Variants in DCDC1 observed in about 807,000 individuals in gnomAD.
The protein encoded by DCDC1 is doublecortin domain-containing protein 1.
DCDC1 carries 200 observed loss-of-function variants against 178.3 expected under a neutral mutation model. The observed-to-expected ratio is 1.12, with a 90% CI of 1.00 to 1.26. The LOEUF is 1.26. Among genes scored for constraint, DCDC1 ranks in the 50% most tolerant of loss-of-function variants. The probability of loss-of-function intolerance (pLI) is 0.00; values close to 1 mark genes in which losing one functional copy is unlikely to be tolerated. For synonymous variants in DCDC1, 690 were observed against 604.8 expected, an observed-to-expected ratio of 1.14 and a Z score of -2.07; for missense variants, 1,983 against 1,749.2, an observed-to-expected ratio of 1.13 and a Z score of -2.38.
chr11:31,035,868 G>T (rs1953993697), intron 20 of DCDC1, among the ~76,000 whole-genome samples: 1 of 152,120 alleles, frequency 6.6e-6, no homozygotes, highest in African/African-American at 2.4e-5. Context: ...AGAAAGAGTT[G>T]TTCCTTCTCT....
At chr11:31,357,963 C>T (rs1951477716) in intron 1 of DCDC1, among the ~76,000 whole-genome samples, 2 of 152,176 alleles carry the variant, frequency 1.3e-5, no homozygotes, top group South Asian at 2.1e-4. Context: ...GAAGAACATT[C>T]CATGCTCATG....
intron 9 of DCDC1, among the ~76,000 whole-genome samples, chr11:31,177,427 AAAAAC>A (rs1968199882): frequency 6.6e-6 from 1 of 152,144 alleles, no homozygotes; most frequent in Admixed American, 6.5e-5. Context: ...AAAAGAAAAT[AAAAAC>A]AAAACAAAAC....
intron 11 of DCDC1, among the ~76,000 whole-genome samples, chr11:31,115,228 T>C (rs1959702308): frequency 6.6e-6 from 1 of 152,174 alleles, no homozygotes; most frequent in Non-Finnish European, 1.5e-5. Flanking sequence ...TGAGCCAATG[T>C]AGTTCTTTGA....
Position 30,890,681 on chromosome 11 carries a change from T to C in DCDC1, c.5082+2137A>G, listed in dbSNP as rs553717280. Among the ~76,000 whole-genome samples, 5 of 152,316 alleles carry C rather than the reference T, an allele frequency of 3.3e-5. No individual in the cohort carries two copies. In the East Asian group the frequency reaches 9.6e-4, roughly 29 times the overall value. ...AACATGCAAGAAAGAAAAATAAATG[T>C]CTCCCATAATATGGCCACCTAATAA... On this transcript the variant is annotated intron_variant, in intron 36 of 38. Coordinates refer to ENST00000684477, the MANE Select transcript of DCDC1 (RefSeq NM_001387274.1).
At chr11:30,954,946 A>T (rs548462241) in intron 20 of DCDC1, among the ~76,000 whole-genome samples, 1 of 152,336 alleles carries the variant, frequency 6.6e-6, no homozygotes, top group African/African-American at 2.4e-5. Context: ...AGCAACCCAA[A>T]TTGAAGTCTA....
At chr11:30,919,574 A>C (rs1946096926) in intron 25 of DCDC1, among the ~76,000 whole-genome samples, 1 of 152,196 alleles carries the variant, frequency 6.6e-6, no homozygotes, top group African/African-American at 2.4e-5. Flanking sequence ...GGGATGTGAA[A>C]GTTCGTGGTC....
At chr11:31,149,538 G>A (rs150046740) in intron 9 of DCDC1, among the ~76,000 whole-genome samples, 38 of 152,044 alleles carry the variant, frequency 2.5e-4, no homozygotes, top group East Asian at 7.8e-4. Context: ...TGCTCGGGTT[G>A]GCTTCCACGC....
At chr11:31,187,300 T>C (rs538314524) in intron 9 of DCDC1, among the ~76,000 whole-genome samples, 1 of 152,334 alleles carries the variant, frequency 6.6e-6, no homozygotes, top group East Asian at 1.9e-4. Flanking sequence ...GGAGATTTAA[T>C]GGAACTAACT....
intron 20 of DCDC1, among the ~76,000 whole-genome samples, chr11:31,011,964 T>C (rs1952198662): frequency 6.6e-6 from 1 of 152,106 alleles, no homozygotes. Context: ...GGTGATTGGA[T>C]TATGAGGATG....
chr11:31,096,816 A>G (rs1319581174), intron 15 of DCDC1, among the ~76,000 whole-genome samples: 1 of 152,154 alleles, frequency 6.6e-6, no homozygotes, highest in Non-Finnish European at 1.5e-5. Flanking sequence ...TTAGCTTTAG[A>G]CCAAACGAGG....
chr11:31,263,313 A>G (rs1944918197), intron 8 of DCDC1, among the ~76,000 whole-genome samples: 1 of 152,218 alleles, frequency 6.6e-6, no homozygotes, highest in African/African-American at 2.4e-5. Flanking sequence ...ATTGTTGATC[A>G]TAAAGAAAAT....
intron 1 of DCDC1, among the ~76,000 whole-genome samples, chr11:31,349,463 T>C (rs536258607): frequency 6.6e-6 from 1 of 152,196 alleles, no homozygotes; most frequent in Non-Finnish European, 1.5e-5. Flanking sequence ...GATAATATTG[T>C]TCCTCCAACT....
intron 9 of DCDC1, among the ~76,000 whole-genome samples, chr11:31,190,307 A>T (rs563375870): frequency 6.6e-6 from 1 of 152,284 alleles, no homozygotes; most frequent in African/African-American, 2.4e-5. Context: ...CAGATAAATA[A>T]TTTGTTCAAG....
At chr11:31,358,944 G>C (rs1951550073) in intron 1 of DCDC1, among the ~76,000 whole-genome samples, 1 of 152,232 alleles carries the variant, frequency 6.6e-6, no homozygotes, top group Non-Finnish European at 1.5e-5. Flanking sequence ...ACAGGTGCTA[G>C]AGAGGATGTG....
At chr11:31,033,913 G>C (rs895773051) in intron 20 of DCDC1, among the ~76,000 whole-genome samples, 2 of 152,270 alleles carry the variant, frequency 1.3e-5, no homozygotes, top group African/African-American at 4.8e-5. Flanking sequence ...GGGAGGCCAA[G>C]GCAGGCAGAT....
At chr11:31,291,786 G>T (rs1362101364) in intron 6 of DCDC1, among the ~76,000 whole-genome samples, 2 of 151,888 alleles carry the variant, frequency 1.3e-5, no homozygotes, top group East Asian at 3.9e-4. Context: ...ACTGAAAATA[G>T]CTGCATTTAT....
At chr11:30,984,680 A>C (rs996003158) in intron 20 of DCDC1, among the ~76,000 whole-genome samples, 2 of 152,218 alleles carry the variant, frequency 1.3e-5, no homozygotes, top group African/African-American at 2.4e-5. Context: ...TGACTTTAAG[A>C]AGCAGCTGTT....
intron 9 of DCDC1, among the ~76,000 whole-genome samples, chr11:31,215,718 G>A (rs991043099): frequency 5.3e-5 from 8 of 151,146 alleles, no homozygotes; most frequent in Non-Finnish European, 1.0e-4. Flanking sequence ...ATTTGAACCC[G>A]GGAGGCAGAG....
At chr11:31,034,998 C>T (rs1370736747) in intron 20 of DCDC1, among the ~76,000 whole-genome samples, 2 of 151,944 alleles carry the variant, frequency 1.3e-5, no homozygotes, top group South Asian at 2.1e-4. Flanking sequence ...GCAAAAGTGC[C>T]CAGAAAAGTT....
Sources: gnomAD v4.1 joint callset for allele counts (sites outside exome capture counted in the v4.1 genomes callset) on GRCh38, gnomAD v4.1.1 for gene constraint, MANE v1.5 for transcripts, NCBI Gene and HGNC (gene_info 2026-07-23, HGNC 2026-07-21) for gene names.